Variants in ULK4 observed in about 807,000 individuals in gnomAD.
The protein encoded by ULK4 is inactive serine/threonine-protein kinase ULK4.
In ULK4, 133 loss-of-function variants were observed where a neutral mutation model predicts 160.6. The ratio of observed to expected loss-of-function variants is 0.83; its 90% CI spans 0.72 to 0.96. ULK4 has a LOEUF of 0.96. ULK4 is among the 40% of genes least tolerant of loss of function. ULK4 has a pLI of 0.00. For synonymous variants in ULK4, 534 were observed against 539.8 expected, an observed-to-expected ratio of 0.99 and a Z score of 0.15; for missense variants, 1,580 against 1,499.5, an observed-to-expected ratio of 1.05 and a Z score of -0.89.
intron 18 of ULK4, among the ~76,000 whole-genome samples, chr3:41,830,314 C>A (rs2041533219): frequency 6.6e-6 from 1 of 151,274 alleles, no homozygotes; most frequent in Admixed American, 6.6e-5. Context: ...AGGTATATAC[C>A]AAGGAAAATT....
chr3:41,558,997 G>T, intron 32 of ULK4, among the ~76,000 whole-genome samples: 1 of 130,542 alleles, frequency 7.7e-6, no homozygotes, highest in Admixed American at 8.2e-5. Context: ...TTTAACATTA[G>T]GTGTATCTCC....
At chr3:41,412,158 C>T (rs1245356763) in intron 34 of ULK4, among the ~76,000 whole-genome samples, 2 of 152,100 alleles carry the variant, frequency 1.3e-5, no homozygotes, top group Non-Finnish European at 2.9e-5. Context: ...AAGTACCAAT[C>T]AGATATTGAA....
intron 35 of ULK4, among the ~76,000 whole-genome samples, chr3:41,331,241 C>T (rs1443611261): frequency 6.6e-6 from 1 of 151,992 alleles, no homozygotes; most frequent in Non-Finnish European, 1.5e-5. Context: ...ACTTCTGGCC[C>T]ACAACTGAGG....
At chr3:41,499,300 C>G (rs1466169547) in intron 32 of ULK4, among the ~76,000 whole-genome samples, 1 of 152,004 alleles carries the variant, frequency 6.6e-6, no homozygotes, top group Non-Finnish European at 1.5e-5. Context: ...GCTTCTTTAG[C>G]TCTGTTGAAA....
chr3:41,558,667 G>A (rs952243028), intron 32 of ULK4, among the ~76,000 whole-genome samples: 4 of 149,978 alleles, frequency 2.7e-5, no homozygotes, highest in African/African-American at 9.8e-5. Context: ...TCACGCCATG[G>A]CACTTCAGCC....
At chr3:41,392,949 A>G (rs983952680) in intron 35 of ULK4, among the ~76,000 whole-genome samples, 3 of 152,140 alleles carry the variant, frequency 2.0e-5, no homozygotes, top group Non-Finnish European at 2.9e-5. Context: ...CGTGTTCCTT[A>G]TATCACTCAA....
At chr3:41,442,858 G>A (rs1340475227) in intron 34 of ULK4, among the ~76,000 whole-genome samples, 7 of 152,128 alleles carry the variant, frequency 4.6e-5, no homozygotes, top group Admixed American at 4.6e-4. Flanking sequence ...TTAAAAACAT[G>A]GAGAATTAAA....
intron 22 of ULK4, among the ~76,000 whole-genome samples, chr3:41,731,644 A>T (rs2037826590): frequency 6.6e-6 from 1 of 151,012 alleles, no homozygotes; most frequent in African/African-American, 2.5e-5. Context: ...ATTTTTTTTT[A>T]AAAACCCCAA....
intron 19 of ULK4, among the ~76,000 whole-genome samples, chr3:41,811,005 TC>T (rs1402606864): frequency 6.6e-6 from 1 of 150,732 alleles, no homozygotes; most frequent in Non-Finnish European, 1.5e-5. Flanking sequence ...TGCCTCAACT[TC>T]CAGAGTAGCT....
chr3:41,829,327 A>G lies in ULK4; in HGVS notation c.1764+6537T>C, dbSNP rs2041486837. On this transcript the variant is annotated intron_variant, in intron 18 of 36. Transcript: ENST00000301831. The stretch of plus-strand genomic sequence containing the variant: ...TAATTAAACTAAAGAGCTTCTGCAC[A>G]GCAAAAGAAACTACCATCAGAGTGA... Among the ~76,000 whole-genome samples the G allele has an allele frequency of 2.0e-5, 3 of 146,478 alleles. No individual in the cohort carries two copies. In the South Asian group the frequency reaches 6.5e-4, roughly 32 times the overall value.
chr3:41,548,379 C>T (rs750394931), intron 32 of ULK4, among the ~76,000 whole-genome samples: 13 of 151,966 alleles, frequency 8.6e-5, no homozygotes, highest in Non-Finnish European at 1.6e-4. Flanking sequence ...TGGTGACTGG[C>T]CCACTCCACC....
chr3:41,611,064 T>A (rs1225458192), intron 31 of ULK4, among the ~76,000 whole-genome samples: 1 of 152,208 alleles, frequency 6.6e-6, no homozygotes, highest in Non-Finnish European at 1.5e-5. Flanking sequence ...ATCCTGTGCA[T>A]CCAGCAATTC....
chr3:41,568,804 C>A (rs1795345), intron 31 of ULK4, among the ~76,000 whole-genome samples: 3 of 151,928 alleles, frequency 2.0e-5, no homozygotes, highest in East Asian at 1.9e-4. Flanking sequence ...CAAAATCTAC[C>A]GGGAAACAGT....
chr3:41,810,003 T>C (rs1241029355), intron 19 of ULK4, among the ~76,000 whole-genome samples: 1 of 152,228 alleles, frequency 6.6e-6, no homozygotes, highest in Non-Finnish European at 1.5e-5. Context: ...TTGAAGTTCC[T>C]TTGAATTCTT....
At chr3:41,513,358 C>G (rs1214050941) in intron 32 of ULK4, among the ~76,000 whole-genome samples, 1 of 152,144 alleles carries the variant, frequency 6.6e-6, no homozygotes, top group Non-Finnish European at 1.5e-5. Context: ...GCAGAGTTGG[C>G]CAGGTGTGGT....
At chr3:41,852,209 G>C (rs1273342846) in intron 17 of ULK4, among the ~76,000 whole-genome samples, 1 of 152,102 alleles carries the variant, frequency 6.6e-6, no homozygotes, top group Non-Finnish European at 1.5e-5. Flanking sequence ...TCTCTGAATA[G>C]ACCAATAACA....
intron 17 of ULK4, among the ~76,000 whole-genome samples, chr3:41,871,255 G>C (rs1469048346): frequency 2.0e-5 from 3 of 152,048 alleles, no homozygotes; most frequent in South Asian, 4.1e-4. Context: ...TAATGCCCTT[G>C]AAAGCCAACC....
chr3:41,901,169 C>CTTTTTTTTTTTTTT (rs756499023), intron 12 of ULK4, among the ~76,000 whole-genome samples: 2 of 95,768 alleles, frequency 2.1e-5, no homozygotes, highest in Non-Finnish European at 2.2e-5. Flanking sequence ...AACAGCATGG[C>CTTTTTTTTTTTTTT]TTCTTTTTTT....
At chr3:41,309,887 T>A in intron 35 of ULK4, among the ~76,000 whole-genome samples, 1 of 140,528 alleles carries the variant, frequency 7.1e-6, no homozygotes, top group African/African-American at 3.0e-5. Flanking sequence ...ATCTAACCAA[T>A]GCCTTTTAGG....
Sources: allele counts gnomAD v4.1 joint callset (sites outside exome capture counted in the v4.1 genomes callset), GRCh38; gene constraint gnomAD v4.1.1; transcripts MANE v1.5; gene names NCBI Gene and HGNC (gene_info 2026-07-23, HGNC 2026-07-21).